The following SCARB2 variants were observed in gnomAD, a reference collection of about 807,000 sequenced individuals.
SCARB2 encodes lysosome membrane protein 2.
Under a neutral mutation model 58.6 loss-of-function variants are expected in SCARB2, and 29 were observed. The ratio of observed to expected loss-of-function variants is 0.49; its 90% CI spans 0.37 to 0.67. The LOEUF (loss-of-function observed/expected upper bound fraction) is 0.67. Among genes scored for constraint, SCARB2 ranks in the 30% least tolerant of loss-of-function variants. The pLI is 0.00. For synonymous variants in SCARB2, 195 were observed against 210.1 expected, an observed-to-expected ratio of 0.93 and a Z score of 0.62; for missense variants, 488 against 578.5, an observed-to-expected ratio of 0.84 and a Z score of 1.60.
At chr4:76,198,031 G>C (rs147492525) in intron 1 of SCARB2, among the ~76,000 whole-genome samples, 1 of 152,230 alleles carries the variant, frequency 6.6e-6, no homozygotes, top group Admixed American at 6.5e-5. Context: ...AAACAAAGGC[G>C]AGCCTGATGC....
At chr4:76,213,013 C>A in intron 1 of SCARB2, 1 of 284,428 alleles carries the variant, frequency 3.5e-6, no homozygotes, top group African/African-American at 2.2e-5. Flanking sequence ...CCCAGGCGCA[C>A]ACCACTTCAA....
upstream of SCARB2, chr4:76,217,747 C>G (rs1354486703): frequency 2.0e-6 from 1 of 510,300 alleles, no homozygotes; most frequent in African/African-American, 1.9e-5. Context: ...GATGCTGTGG[C>G]AAGGAGATAC....
chr4:76,167,926 C>T (rs1350456602), intron 9 of SCARB2, among the ~76,000 whole-genome samples: 9 of 152,090 alleles, frequency 5.9e-5, no homozygotes, highest in African/African-American at 2.2e-4. Flanking sequence ...GTGATCCACC[C>T]ACCTTGGCCT....
intron 1 of SCARB2, among the ~76,000 whole-genome samples, chr4:76,208,606 G>A (rs929926000): frequency 6.6e-6 from 1 of 152,210 alleles, no homozygotes; most frequent in Admixed American, 6.5e-5. Flanking sequence ...AGAAAGCAGA[G>A]GAAAAAGTGG....
At chr4:76,220,191 AACAAAT>A (rs1733284309) in intron 1 of SCARB2, among the ~76,000 whole-genome samples, 1 of 152,232 alleles carries the variant, frequency 6.6e-6, no homozygotes, top group African/African-American at 2.4e-5. Flanking sequence ...CAGGTACTCA[AACAAAT>A]ACTTGTAAAC....
intron 2 of SCARB2, among the ~76,000 whole-genome samples, chr4:76,190,523 C>T (rs113124949): frequency 0.08 from 12,210 of 152,126 alleles, 526 homozygotes; most frequent in Middle Eastern, 0.13. Context: ...GTGGCTCACG[C>T]CTGTAGTCCC....
At chr4:76,197,191 G>A (rs1246934926) in intron 1 of SCARB2, among the ~76,000 whole-genome samples, 3 of 152,188 alleles carry the variant, frequency 2.0e-5, no homozygotes, top group Non-Finnish European at 4.4e-5. Flanking sequence ...TATTCATTCG[G>A]GAAGCCCTAG....
chr4:76,215,370 C>T (rs1733186482), upstream of SCARB2, among the ~76,000 whole-genome samples: 1 of 152,144 alleles, frequency 6.6e-6, no homozygotes, highest in Non-Finnish European at 1.5e-5. Flanking sequence ...TGTTGGCTTC[C>T]AAAACCCTCA....
chr4:76,170,044 A>T, intron 7 of SCARB2, 59 bp from the exon 8 acceptor site: 2 of 1,459,386 alleles, frequency 1.4e-6, no homozygotes, highest in African/African-American at 1.4e-5. Context: ...AGCTGAGCTG[A>T]ATATAAAAGT....
At chr4:76,221,348 C>T (rs1429501117) in intron 1 of SCARB2, among the ~76,000 whole-genome samples, 3 of 152,140 alleles carry the variant, frequency 2.0e-5, no homozygotes, top group Non-Finnish European at 4.4e-5. Flanking sequence ...GATGAAGTTT[C>T]GCTCTTGTTG....
At chr4:76,175,663 C>A in intron 6 of SCARB2, 128 bp downstream of exon 6, 1 of 1,100,370 alleles carries the variant, frequency 9.1e-7, no homozygotes, top group South Asian at 1.3e-5. Context: ...GTGCCATCAG[C>A]ATTTATCACT....
chr4:76,183,489 T>C (rs960737244), intron 2 of SCARB2, among the ~76,000 whole-genome samples: 4 of 152,228 alleles, frequency 2.6e-5, no homozygotes, highest in Non-Finnish European at 4.4e-5. Flanking sequence ...TAAAGGATAT[T>C]ACAAAGTATA....
chr4:76,232,755 C>T (rs777906089), intron 1 of SCARB2, among the ~76,000 whole-genome samples: 2 of 151,754 alleles, frequency 1.3e-5, no homozygotes, highest in Non-Finnish European at 2.9e-5. Flanking sequence ...TATCTAAAAG[C>T]CAGGTATCAG....
intron 1 of SCARB2, among the ~76,000 whole-genome samples, chr4:76,211,181 C>T (rs1733038298): frequency 6.6e-6 from 1 of 152,134 alleles, no homozygotes; most frequent in Admixed American, 6.5e-5. Context: ...AAGGGTCCTT[C>T]TTAAGAAAAA....
rs113569430 is a variant in SCARB2, at chr4:76,231,691, G to A, written c.-358+2612C>T. Among the ~76,000 whole-genome samples the A allele has an allele frequency of 5.8e-3, 881 of 152,346 alleles. 11 individuals are homozygous for A. Among genetic ancestry groups the A allele is most frequent in the African/African-American group, 0.02 (833 of 41,572 alleles). ...TGGAAGTTTGTTCCACAAGGAATCA[G>A]ATAAGACCTTTTAAAGCTGAGCCCA... On this transcript the variant is annotated intron_variant, in intron 1 of 11. Coordinates refer to the SCARB2 transcript ENST00000638295.
chr4:76,225,675 G>A (rs1223791143), intron 1 of SCARB2, among the ~76,000 whole-genome samples: 1 of 152,186 alleles, frequency 6.6e-6, no homozygotes, highest in African/African-American at 2.4e-5. Context: ...TTCTGTTGAT[G>A]TGATGTATCA....
chr4:76,163,165 A>C (rs1291544758), intron 11 of SCARB2, 60 bp downstream of exon 11: 1 of 1,600,082 alleles, frequency 6.2e-7, no homozygotes, highest in East Asian at 2.2e-5. Context: ...AGTGAAGTAC[A>C]GTTGAATTCC....
chr4:76,189,052 C>T (rs1432434309), intron 2 of SCARB2, among the ~76,000 whole-genome samples: 2 of 152,052 alleles, frequency 1.3e-5, no homozygotes, highest in Non-Finnish European at 2.9e-5. Context: ...ATAATTGTGT[C>T]CTATAGTGTT....
chr4:76,219,333 A>G (rs986947732), intron 1 of SCARB2, among the ~76,000 whole-genome samples: 5 of 152,172 alleles, frequency 3.3e-5, no homozygotes, highest in East Asian at 3.8e-4. Flanking sequence ...ATACTTTGCA[A>G]TATATCTAAT....
Sources: gnomAD v4.1 joint callset for allele counts (sites outside exome capture counted in the v4.1 genomes callset) on GRCh38, gnomAD v4.1.1 for gene constraint, MANE v1.5 for transcripts, NCBI Gene and HGNC (gene_info 2026-07-23, HGNC 2026-07-21) for gene names.